The following SETBP1 variants were observed in gnomAD, a reference collection of about 807,000 sequenced individuals.
The protein encoded by SETBP1 is SET-binding protein.
Under a neutral mutation model 101.0 loss-of-function variants are expected in SETBP1, and 9 were observed. The observed-to-expected ratio is 0.09, with a 90% CI of 0.05 to 0.16. The LOEUF (loss-of-function observed/expected upper bound fraction) is 0.16. SETBP1 is among the 10% of genes least tolerant of loss of function. The pLI is 1.00. For synonymous variants in SETBP1, 818 were observed against 788.5 expected, an observed-to-expected ratio of 1.04 and a Z score of -0.63; for missense variants, 1,858 against 2,033.8, an observed-to-expected ratio of 0.91 and a Z score of 1.66.
intron 4 of SETBP1, chr18:44,988,025 A>G (rs759776153): frequency 1.3e-5 from 2 of 152,178 alleles, no homozygotes; most frequent in Non-Finnish European, 2.9e-5. Flanking sequence ...GCAATTCTTA[A>G]CCTTTTTTTA....
intron 3 of SETBP1, among the ~76,000 whole-genome samples, chr18:44,917,319 A>G (rs2070452156): frequency 6.6e-6 from 1 of 152,132 alleles, no homozygotes; most frequent in Non-Finnish European, 1.5e-5. Context: ...AGTGCTGTGT[A>G]GGGCCCACTC....
At chr18:44,933,663 C>T (rs893306196) in intron 3 of SETBP1, among the ~76,000 whole-genome samples, 2 of 152,194 alleles carry the variant, frequency 1.3e-5, no homozygotes, top group Non-Finnish European at 2.9e-5. Context: ...GACGCCCCTC[C>T]CCAGCCTTGC....
chr18:44,728,562 C>T (rs2069765027), intron 2 of SETBP1, among the ~76,000 whole-genome samples: 1 of 152,162 alleles, frequency 6.6e-6, no homozygotes, highest in African/African-American at 2.4e-5. Flanking sequence ...TCAAATAAGA[C>T]ATGTCATTTG....
At chr18:45,047,148 A>G (rs1374149921) in intron 5 of SETBP1, among the ~76,000 whole-genome samples, 1 of 152,180 alleles carries the variant, frequency 6.6e-6, no homozygotes, top group Admixed American at 6.5e-5. Context: ...CAGTGATAGT[A>G]TCATTCACAC....
Position 44,950,580 on chromosome 18 carries a change from A to G in SETBP1, c.1240A>G (p.Thr414Ala). 2 of 1,614,072 alleles carry G rather than the reference A, an allele frequency of 1.2e-6. No individual in the cohort carries two copies. The highest frequency in any genetic ancestry group is 1.7e-6 in the Non-Finnish European group (2 of 1,180,034). Residue 414 changes from threonine (T) to alanine (A), a missense_variant, in exon 4 of 6, where the codon ACC (threonine) becomes GCC (alanine). By Grantham distance (58) the Thr-to-Ala change is moderately conservative. Transcript: ENST00000649279. ...CATCAAGGCACCCTCTCTGGATCCA[A>G]CCAACCATAAGAGGAAAAAAAGACA... The part of the protein sequence containing the change: ...IPIKAPSLDP[T>A]NHKRKKRQSI...
At chr18:45,050,328 T>C (rs1233628019) in intron 5 of SETBP1, among the ~76,000 whole-genome samples, 1 of 152,198 alleles carries the variant, frequency 6.6e-6, no homozygotes, top group Admixed American at 6.5e-5. Context: ...CCCCCACAAC[T>C]AGTAAAGAGT....
At chr18:44,844,835 C>T (rs2072693042) in intron 2 of SETBP1, among the ~76,000 whole-genome samples, 1 of 152,122 alleles carries the variant, frequency 6.6e-6, no homozygotes, top group South Asian at 2.1e-4. Flanking sequence ...AAGGCACACA[C>T]AAGCTTCCTG....
chr18:44,986,087 A>T (rs2072226734), intron 4 of SETBP1: 1 of 152,224 alleles, frequency 6.6e-6, no homozygotes, highest in African/African-American at 2.4e-5. Flanking sequence ...CCCAGTGCGA[A>T]CATCATGGTG....
At chr18:45,056,672 G>T (rs1434590360) in intron 5 of SETBP1, among the ~76,000 whole-genome samples, 1 of 152,162 alleles carries the variant, frequency 6.6e-6, no homozygotes, top group African/African-American at 2.4e-5. Flanking sequence ...GCACTAGGCC[G>T]ATTTCTAAAT....
intron 4 of SETBP1, among the ~76,000 whole-genome samples, chr18:45,013,059 G>T (rs1429268765): frequency 2.0e-5 from 3 of 152,222 alleles, no homozygotes; most frequent in Admixed American, 2.0e-4. Context: ...CTTAGGAAAG[G>T]CAAGGTGATG....
chr18:44,746,703 T>A (rs1043840028), intron 2 of SETBP1, among the ~76,000 whole-genome samples: 4 of 152,192 alleles, frequency 2.6e-5, no homozygotes, highest in Non-Finnish European at 5.9e-5. Flanking sequence ...GAACTATCAG[T>A]TTAGAAATAA....
intron 3 of SETBP1, among the ~76,000 whole-genome samples, chr18:44,939,639 A>G (rs2071042107): frequency 6.6e-6 from 1 of 152,228 alleles, no homozygotes; most frequent in South Asian, 2.1e-4. Context: ...GAGATCTTCC[A>G]AAGTGATTTT....
chr18:44,720,117 T>C (rs2069554218), intron 2 of SETBP1, among the ~76,000 whole-genome samples: 1 of 152,142 alleles, frequency 6.6e-6, no homozygotes. Flanking sequence ...TCTGGGATGA[T>C]AGATATTGCA....
chr18:44,898,612 C>T (rs1456619778), intron 3 of SETBP1, among the ~76,000 whole-genome samples: 1 of 152,138 alleles, frequency 6.6e-6, no homozygotes, highest in Non-Finnish European at 1.5e-5. Flanking sequence ...AGGATTTTCT[C>T]TCCCTTCTCC....
chr18:44,818,228 G>A (rs1459613647), intron 2 of SETBP1, among the ~76,000 whole-genome samples: 1 of 152,170 alleles, frequency 6.6e-6, no homozygotes, highest in Non-Finnish European at 1.5e-5. Context: ...TTGGAGAGAT[G>A]TTTCATTGCA....
At chr18:44,770,446 A>C (rs892432614) in intron 2 of SETBP1, among the ~76,000 whole-genome samples, 1 of 152,122 alleles carries the variant, frequency 6.6e-6, no homozygotes, top group African/African-American at 2.4e-5. Flanking sequence ...TTTTTAACCT[A>C]TTTTATCTAT....
intron 2 of SETBP1, among the ~76,000 whole-genome samples, chr18:44,744,780 A>AC (rs1279186135): frequency 2.3e-3 from 293 of 128,848 alleles, no homozygotes; most frequent in African/African-American, 7.2e-3. Flanking sequence ...AAAAAAAAAA[A>AC]AACAAAAAAA....
chr18:44,844,289 G>C (rs993840204), intron 2 of SETBP1, among the ~76,000 whole-genome samples: 2 of 151,714 alleles, frequency 1.3e-5, no homozygotes, highest in Non-Finnish European at 2.9e-5. Flanking sequence ...TCTCTCCTGG[G>C]TCTCTCCTCC....
intron 3 of SETBP1, among the ~76,000 whole-genome samples, chr18:44,930,998 T>C (rs989923567): frequency 6.6e-6 from 1 of 152,228 alleles, no homozygotes; most frequent in Admixed American, 6.5e-5. Context: ...ATGTATTTGC[T>C]CTTGCTTCTC....
Sources: gnomAD v4.1 joint callset for allele counts (sites outside exome capture counted in the v4.1 genomes callset) on GRCh38, gnomAD v4.1.1 for gene constraint, MANE v1.5 for transcripts, NCBI Gene and HGNC (gene_info 2026-07-23, HGNC 2026-07-21) for gene names.